Variants in SPIDR observed in about 807,000 individuals in gnomAD.
The protein encoded by SPIDR is scaffold protein involved in DNA repair.
A neutral mutation model predicts 104.6 loss-of-function variants in SPIDR; 93 were observed. That is an observed-to-expected ratio of 0.89 (90% CI 0.75 to 1.06). The LOEUF (loss-of-function observed/expected upper bound fraction) is 1.06, where lower values mean the gene tolerates loss of function less well. Among genes scored for constraint, SPIDR ranks in the 50% least tolerant of loss-of-function variants. The pLI is 0.00. For synonymous variants in SPIDR, 431 were observed against 416.9 expected, an observed-to-expected ratio of 1.03 and a Z score of -0.41; for missense variants, 1,154 against 1,111.2, an observed-to-expected ratio of 1.04 and a Z score of -0.55.
At chr8:47,545,077 TTCTTTC>T (rs1335194232) in intron 8 of SPIDR, among the ~76,000 whole-genome samples, 1 of 18,680 alleles carries the variant, frequency 5.4e-5, no homozygotes, top group African/African-American at 1.7e-4. Flanking sequence ...TATCTTTTCT[TTCTTTC>T]TTTCTTTCTT....
intron 5 of SPIDR, among the ~76,000 whole-genome samples, chr8:47,312,894 G>T (rs1428458529): frequency 3.7e-4 from 56 of 151,992 alleles, no homozygotes; most frequent in African/African-American, 1.2e-3. Flanking sequence ...GAATTAATTT[G>T]TGTATAAGGT....
chr8:47,685,509 A>ATTTTTTTT (rs79918303), intron 11 of SPIDR, among the ~76,000 whole-genome samples: 6,911 of 106,196 alleles, frequency 0.065, 474 homozygotes, highest in East Asian at 0.13. Context: ...TTATTTATTT[A>ATTTTTTTT]TTTATTTATT....
rs993182730 is a variant in SPIDR at position 47,284,051 on chromosome 8, G to A, written c.213G>A (p.Thr71=). The change falls in exon 3 of 20, where the codon ACG becomes ACA. Residue 71 remains threonine, a synonymous_variant. Transcript: ENST00000297423. Reference sequence around the variant, plus strand: ...AGTCATTAACAGCTGAAGAGAAGACGATTACAGAAAAGCACCTTGAATTAT... The same window carrying A: ...AGTCATTAACAGCTGAAGAGAAGACAATTACAGAAAAGCACCTTGAATTAT... ...GNPSLTAEEK[T]ITEKHLELCP... is the part of the protein sequence containing the mutation. 41 of 1,611,550 alleles carry A rather than the reference G, an allele frequency of 2.5e-5. No homozygotes were observed. The highest frequency in any genetic ancestry group is 5.0e-5 in the Admixed American group (3 of 59,874).
chr8:47,261,480 G>T (rs572980244), intron 1 of SPIDR, among the ~76,000 whole-genome samples: 1 of 152,362 alleles, frequency 6.6e-6, no homozygotes, highest in Admixed American at 6.5e-5. Flanking sequence ...TCCAGAACGG[G>T]AGCGGGTGCC....
chr8:47,431,673 T>G (rs879994722), intron 7 of SPIDR, among the ~76,000 whole-genome samples: 39 of 152,156 alleles, frequency 2.6e-4, no homozygotes, highest in Non-Finnish European at 4.9e-4. Context: ...TTTTTGTTTT[T>G]GGGTTTTTTT....
At chr8:47,353,052 C>CAAAA (rs57853552) in intron 5 of SPIDR, among the ~76,000 whole-genome samples, 5 of 75,550 alleles carry the variant, frequency 6.6e-5, no homozygotes, top group Admixed American at 1.5e-4. Flanking sequence ...GACTCTATCT[C>CAAAA]AAAAAAAAAA....
chr8:47,528,972 C>T (rs1037211426), intron 8 of SPIDR, among the ~76,000 whole-genome samples: 1 of 152,122 alleles, frequency 6.6e-6, no homozygotes, highest in Non-Finnish European at 1.5e-5. Context: ...TACGCTTAAG[C>T]ATATCATACT....
In SPIDR at chr8:47,598,126, A is replaced by G. The variant is rs562412624; in HGVS notation, c.1294-820A>G. ...GCCCAGAGCACATTACTGTTTTAAC[A>G]TATAGTTTTAAACAGCTATGTAATA... On this transcript the variant is annotated intron_variant, in intron 9 of 19. Transcript: ENST00000297423. Among the ~76,000 whole-genome samples, 529 of 152,354 alleles carry G rather than the reference A, an allele frequency of 3.5e-3. 7 individuals carry two copies. Among genetic ancestry groups the G allele is most frequent in the Admixed American group, 7.7e-3 (118 of 15,302 alleles).
rs375379017 is a variant in SPIDR, at chr8:47,706,503, G to A, written c.1977+4488G>A. 1.3e-4 allele frequency among the ~76,000 whole-genome samples: 20 copies of A among 152,244 alleles called. No homozygotes were observed. In the East Asian group the frequency reaches 1.7e-3, roughly 13 times the overall value. On this transcript the variant is annotated intron_variant, in intron 14 of 19. Transcript: ENST00000297423. ...TGTGTGTTTGTGTGTGTATGTGTGC[G>A]TGCACTTCTTGCAGTTTTGTCACAT...
At chr8:47,483,135 TTTG>T (rs1350797015) in intron 8 of SPIDR, among the ~76,000 whole-genome samples, 2 of 140,352 alleles carry the variant, frequency 1.4e-5, no homozygotes, top group South Asian at 3.0e-4. Context: ...TTGGTTTTTT[TTTG>T]TTTGTTTTGT....
At chr8:47,474,121 C>A (rs2076032375) in intron 8 of SPIDR, among the ~76,000 whole-genome samples, 1 of 152,152 alleles carries the variant, frequency 6.6e-6, no homozygotes, top group Non-Finnish European at 1.5e-5. Flanking sequence ...ATCCCTTCAG[C>A]ATTCCTTATT....
At chr8:47,636,826 A>G (rs921407751) in intron 10 of SPIDR, among the ~76,000 whole-genome samples, 6 of 152,052 alleles carry the variant, frequency 3.9e-5, no homozygotes, top group South Asian at 4.1e-4. Flanking sequence ...AAAAAAAAAA[A>G]AAAAAGAGAT....
At position 47,363,117 on chromosome 8, in the gene SPIDR, C is replaced by A. The variant is rs372920859; in HGVS notation, c.526-33259C>A. Among the ~76,000 whole-genome samples, 30 of 152,030 alleles carry A rather than the reference C, an allele frequency of 2.0e-4. 1 individual carries two copies. Among genetic ancestry groups the A allele is most frequent in the African/African-American group, 7.0e-4 (29 of 41,440 alleles). Reference sequence around the variant, plus strand: ...ACATTACAGTAAGCTCCACAGAGTCCCCTAGACGAGTTCATGTAGCAAAAG... The same window carrying A: ...ACATTACAGTAAGCTCCACAGAGTCACCTAGACGAGTTCATGTAGCAAAAG... On this transcript the variant is annotated intron_variant, in intron 5 of 19. Transcript: ENST00000297423.
chr8:47,384,704 T>C (rs1554647169), intron 5 of SPIDR, among the ~76,000 whole-genome samples: 1 of 152,196 alleles, frequency 6.6e-6, no homozygotes, highest in African/African-American at 2.4e-5. Context: ...CTCACACCCC[T>C]GCCGTCCTCT....
chr8:47,561,519 C>G (rs1483411367), intron 8 of SPIDR, among the ~76,000 whole-genome samples: 1 of 152,238 alleles, frequency 6.6e-6, no homozygotes, highest in Non-Finnish European at 1.5e-5. Context: ...GCTGCTACTT[C>G]TCTGCTGAGA....
intron 6 of SPIDR, among the ~76,000 whole-genome samples, chr8:47,402,833 A>G (rs1370004450): frequency 6.6e-6 from 1 of 152,212 alleles, no homozygotes; most frequent in Non-Finnish European, 1.5e-5. Context: ...AAAAGAGAGA[A>G]TGCTCTCTAA....
intron 1 of SPIDR, among the ~76,000 whole-genome samples, chr8:47,269,649 A>G (rs2034881568): frequency 6.6e-6 from 1 of 152,030 alleles, no homozygotes; most frequent in Non-Finnish European, 1.5e-5. Context: ...CAATTTAGAC[A>G]TCTTTTATTT....
intron 8 of SPIDR, chr8:47,511,962 C>G (rs1204560225): frequency 2.5e-6 from 2 of 785,862 alleles, no homozygotes; most frequent in Non-Finnish European, 4.6e-6. Flanking sequence ...TGCCTCTGGA[C>G]ACTGAACTGG....
Position 47,732,346 on chromosome 8 carries a change from C to T in SPIDR, c.2604+2881C>T, listed in dbSNP as rs370370181. ...GCATCAGAGCACCTTTGCCCATGCCCGTGTGCATGTGTATGTGTCCACTTG... is the reference window on the plus strand; with the variant it reads ...GCATCAGAGCACCTTTGCCCATGCCTGTGTGCATGTGTATGTGTCCACTTG... On this transcript the variant is annotated intron_variant, in intron 19 of 19. Transcript: ENST00000297423. 2.7e-3 allele frequency among the ~76,000 whole-genome samples: 411 copies of T among 152,330 alleles called. 3 individuals are homozygous for T. The highest frequency in any genetic ancestry group is 0.023 in the South Asian group (109 of 4,826).
Sources: gnomAD v4.1 joint callset for allele counts (sites outside exome capture counted in the v4.1 genomes callset) on GRCh38, gnomAD v4.1.1 for gene constraint, MANE v1.5 for transcripts, NCBI Gene and HGNC (gene_info 2026-07-23, HGNC 2026-07-21) for gene names.